Variants in DNAH12 observed in about 807,000 individuals in gnomAD.
DNAH12 encodes the protein dynein axonemal heavy chain 12.
DNAH12 carries 285 observed loss-of-function variants against 371.5 expected under a neutral mutation model. That is an observed-to-expected ratio of 0.77 (90% CI 0.70 to 0.85). The LOEUF (loss-of-function observed/expected upper bound fraction) is 0.85, where lower values mean the gene tolerates loss of function less well. DNAH12 is among the 40% of genes least tolerant of loss of function. The pLI is 0.00. For missense variants in DNAH12, 3,611 were observed against 3,689.4 expected (o/e 0.98, Z 0.55); for synonymous variants, 1,200 against 1,213.0 (o/e 0.99, Z 0.22).
At position 57,314,708 on chromosome 3, in the gene DNAH12, T is replaced by C. The variant is rs1418353219; in HGVS notation, c.10525-77A>G. ...CAGTAAAATGAGAGGAATAGATAAATGATCTTTCTCACAAGATTCTGTGAT... is the reference window on the plus strand; with the variant it reads ...CAGTAAAATGAGAGGAATAGATAAACGATCTTTCTCACAAGATTCTGTGAT... On this transcript the variant is annotated intron_variant, in intron 65 of 73. Transcript: ENST00000495027. 5 of 1,414,152 alleles carry C rather than the reference T, an allele frequency of 3.5e-6. No individual in the cohort carries two copies. In the African/African-American group the frequency reaches 5.8e-5, roughly 16 times the overall value. 87.6% of individuals were successfully genotyped at this position (1,414,152 alleles called of 1,614,324 possible).
intron 39 of DNAH12, among the ~76,000 whole-genome samples, chr3:57,409,603 G>A (rs908558552): frequency 6.6e-6 from 1 of 151,936 alleles, no homozygotes; most frequent in African/African-American, 2.4e-5. Flanking sequence ...ACTAACTCAG[G>A]AGAGTGACTA....
intron 4 of DNAH12, among the ~76,000 whole-genome samples, chr3:57,520,828 T>C (rs1202682397): frequency 6.6e-6 from 1 of 152,126 alleles, no homozygotes; most frequent in East Asian, 1.9e-4. Flanking sequence ...CTTTGTTGGA[T>C]AGCCAATTCG....
intron 39 of DNAH12, among the ~76,000 whole-genome samples, chr3:57,411,281 A>C (rs1295307558): frequency 6.6e-6 from 1 of 151,998 alleles, no homozygotes; most frequent in Non-Finnish European, 1.5e-5. Flanking sequence ...TAATCCCAGC[A>C]TTTTGGGAGG....
At chr3:57,527,926 G>C (rs1339250583) in intron 2 of DNAH12, among the ~76,000 whole-genome samples, 1 of 152,124 alleles carries the variant, frequency 6.6e-6, no homozygotes, top group Non-Finnish European at 1.5e-5. Context: ...CTGTACTCGT[G>C]GGGTATTACT....
Position 57,375,421 on chromosome 3 carries a change from T to G in DNAH12, c.8709A>C (p.Thr2903=), listed in dbSNP as rs1220029543. Residue 2903 remains threonine, a synonymous_variant, in exon 55 of 74, where the codon ACA becomes ACC. Coordinates refer to ENST00000495027, the MANE Select transcript of DNAH12 (RefSeq NM_001366028.2). The part of the protein sequence containing the change: ...IRAWNIAGLP[T]DTFSIDNGVI... ...CTCCGTTATCTATGGAAAATGTATC[T>G]GTTGGTAAACCAGCAATATTCCAAG... The G allele has an allele frequency of 3.9e-5, 6 of 152,322 alleles. No individual in the cohort carries two copies. Among genetic ancestry groups the G allele is most frequent in the Admixed American group, 1.3e-4 (2 of 15,294 alleles). 9.4% of individuals were successfully genotyped at this position (152,322 alleles called of 1,614,324 possible).
intron 55 of DNAH12, among the ~76,000 whole-genome samples, chr3:57,374,762 A>G (rs2063246704): frequency 1.1e-5 from 1 of 92,612 alleles, no homozygotes; most frequent in African/African-American, 3.1e-5. Context: ...TAAATCTCAG[A>G]AAAAAATATG....
At position 57,445,273 on chromosome 3, in the gene DNAH12, C is replaced by A; in HGVS notation, c.4326G>T (p.Ser1442=). Residue 1442 remains serine (S), a synonymous_variant, in exon 28 of 74, where the codon TCG becomes TCT. Coordinates refer to ENST00000495027, the MANE Select transcript of DNAH12 (RefSeq NM_001366028.2). ...GCATTCCATAGTCGTAATGAAATTG[C>A]GATGAGAGCTGCTCTGAGCAAAGCC... is the stretch of plus-strand genomic sequence containing the variant. ...TYRLCSEQLS[S]QFHYDYGMRA... The A allele has an allele frequency of 6.4e-7, 1 of 1,551,234 alleles. No individual in the cohort carries two copies. Among genetic ancestry groups the A allele is most frequent in the Non-Finnish European group, 8.7e-7 (1 of 1,146,768 alleles).
intron 25 of DNAH12, among the ~76,000 whole-genome samples, chr3:57,447,676 A>C (rs2065558636): frequency 3.7e-5 from 2 of 53,492 alleles, no homozygotes; most frequent in Admixed American, 2.4e-4. Flanking sequence ...TAGTTCATCC[A>C]TTTTATTTTA....
chr3:57,410,208 G>C (rs1239160681), intron 39 of DNAH12, among the ~76,000 whole-genome samples: 2 of 152,044 alleles, frequency 1.3e-5, no homozygotes, highest in African/African-American at 2.4e-5. Context: ...TTAGAAACCT[G>C]TGTTGAGCAG....
At chr3:57,535,383 G>T (rs866459385) in intron 2 of DNAH12, among the ~76,000 whole-genome samples, 2 of 152,136 alleles carry the variant, frequency 1.3e-5, no homozygotes, top group African/African-American at 4.8e-5. Context: ...ATAAAAGCAA[G>T]CTCTCTCTGA....
intron 46 of DNAH12, among the ~76,000 whole-genome samples, chr3:57,386,861 A>C (rs1333164667): frequency 6.6e-6 from 1 of 152,188 alleles, no homozygotes; most frequent in African/African-American, 2.4e-5. Flanking sequence ...AAATCAACAA[A>C]TATGTCTAAT....
chr3:57,434,697 C>T (rs1355682759), intron 30 of DNAH12, among the ~76,000 whole-genome samples: 2 of 151,990 alleles, frequency 1.3e-5, no homozygotes, highest in Non-Finnish European at 1.5e-5. Context: ...TATTGTCATG[C>T]AATGAATGAT....
At chr3:57,526,680 C>T (rs1033588311) in intron 2 of DNAH12, among the ~76,000 whole-genome samples, 3 of 152,006 alleles carry the variant, frequency 2.0e-5, no homozygotes, top group African/African-American at 7.2e-5. Flanking sequence ...TGTGCACCAC[C>T]ACGCCCAGCT....
intron 43 of DNAH12, among the ~76,000 whole-genome samples, 189 bp downstream of exon 43, chr3:57,403,120 T>C (rs924282476): frequency 9.2e-5 from 14 of 152,044 alleles, no homozygotes; most frequent in Non-Finnish European, 4.4e-5. Flanking sequence ...ATCATGTAGG[T>C]AAAAGCGGTA....
Position 57,502,459 on chromosome 3 carries a change from A to G in DNAH12, c.1107T>C (p.Ser369=). ...CTGGTGTTGAAGTTCCTGATAGCCA[A>G]GAGGGGATTGTTTGGACATTCTAAC... ...EALQNVQTIP[S]WLSGTSTPVN... is the part of the protein sequence containing the mutation. The change falls in exon 10 of 74, where the codon TCT becomes TCC. Residue 369 remains serine, a synonymous_variant. Coordinates refer to ENST00000495027, the MANE Select transcript of DNAH12 (RefSeq NM_001366028.2). 1.2e-6 allele frequency: 2 copies of G among 1,614,190 alleles called. No individual in the cohort carries two copies. The highest frequency in any genetic ancestry group is 1.7e-6 in the Non-Finnish European group (2 of 1,180,018).
intron 29 of DNAH12, among the ~76,000 whole-genome samples, chr3:57,439,049 G>A (rs568314250): frequency 6.6e-6 from 1 of 151,144 alleles, no homozygotes; most frequent in East Asian, 1.9e-4. Context: ...ACTGCTGAAA[G>A]AAATCATAGA....
chr3:57,553,224 C>T, the DNAH12 span, among the ~76,000 whole-genome samples: 1 of 152,112 alleles, frequency 6.6e-6, no homozygotes, highest in Non-Finnish European at 1.5e-5. Context: ...ACTAACCTAA[C>T]CCTGCATCAG....
intron 35 of DNAH12, among the ~76,000 whole-genome samples, chr3:57,422,473 T>C (rs7616063): frequency 0.31 from 47,170 of 151,740 alleles, 9,911 homozygotes; most frequent in African/African-American, 0.6. Context: ...GGATTACAGG[T>C]GTGAGACACC....
chr3:57,446,676 T>C lies in DNAH12; in HGVS notation c.3800A>G (p.Tyr1267Cys), dbSNP rs1457592832. 6.6e-7 allele frequency: 1 copy of C among 1,508,188 alleles called. No individual in the cohort carries two copies. 93.4% of individuals were successfully genotyped at this position (1,508,188 alleles called of 1,614,324 possible). A position where few individuals can be genotyped will look rare whatever the true frequency, so the allele number is the denominator to read the frequency against. Residue 1267 changes from tyrosine to cysteine, a missense_variant, in exon 26 of 74, where the codon TAT becomes TGT. Physicochemically the swap from Tyr to Cys is radical, Grantham distance 194. Transcript: ENST00000495027. ...RCYRTLIGAF[Y>C]LNLGGAPEGP... ...CTCTGGAGCACCTCCAAGGTTTAAA[T>C]AGAAAGCACCTATCTGAAATGAAAA...
Sources: gnomAD v4.1 joint callset for allele counts (sites outside exome capture counted in the v4.1 genomes callset) on GRCh38, gnomAD v4.1.1 for gene constraint, MANE v1.5 for transcripts, NCBI Gene and HGNC (gene_info 2026-07-23, HGNC 2026-07-21) for gene names.